The following DOK5 variants were observed in gnomAD, a reference collection of about 807,000 sequenced individuals.
DOK5 encodes the protein docking protein 5, also known as downstream of tyrosine kinase 5.
A neutral mutation model predicts 43.3 loss-of-function variants in DOK5; 27 were observed. The ratio of observed to expected loss-of-function variants is 0.62; its 90% CI spans 0.46 to 0.86. The LOEUF is 0.86. DOK5 is among the 40% of genes least tolerant of loss of function. The pLI, the probability that DOK5 is intolerant of heterozygous loss-of-function variation, is 0.00. For missense variants in DOK5, 373 were observed against 392.9 expected (o/e 0.95, Z 0.43); for synonymous variants, 146 against 140.1 (o/e 1.04, Z -0.30).
intron 1 of DOK5, among the ~76,000 whole-genome samples, chr20:54,548,151 G>A (rs8118345): frequency 0.022 from 3,370 of 152,226 alleles, 120 homozygotes; most frequent in African/African-American, 0.077. Flanking sequence ...ATGATGTATA[G>A]GAGGTGAGCT....
At chr20:54,486,483 C>A (rs1981938569) in intron 1 of DOK5, among the ~76,000 whole-genome samples, 1 of 151,952 alleles carries the variant, frequency 6.6e-6, no homozygotes, top group South Asian at 2.1e-4. Flanking sequence ...ATTCTAGTTC[C>A]TTTACCTTTT....
At chr20:54,555,277 G>A in intron 2 of DOK5, 1 of 448,584 alleles carries the variant, frequency 2.2e-6, no homozygotes, top group Non-Finnish European at 4.1e-6. Context: ...TCCAGTCTCT[G>A]CTATGGGACT....
intron 2 of DOK5, among the ~76,000 whole-genome samples, chr20:54,570,570 C>T (rs1985251666): frequency 6.6e-6 from 1 of 152,082 alleles, no homozygotes; most frequent in Non-Finnish European, 1.5e-5. Flanking sequence ...CTTGTTTTTA[C>T]TTGGTAAACA....
chr20:54,643,642 C>T, intron 7 of DOK5, 64 bp downstream of exon 7: 4 of 1,546,354 alleles, frequency 2.6e-6, no homozygotes, highest in Non-Finnish European at 2.6e-6. Flanking sequence ...GGAGGGGGCT[C>T]AGCTCAACTC....
chr20:54,480,395 C>T (rs754022197), intron 1 of DOK5, among the ~76,000 whole-genome samples: 4 of 152,310 alleles, frequency 2.6e-5, no homozygotes, highest in South Asian at 4.1e-4. Flanking sequence ...CTCACTGCTA[C>T]GTGGCGCTAC....
intron 1 of DOK5, among the ~76,000 whole-genome samples, chr20:54,514,143 A>C (rs1266062826): frequency 6.6e-6 from 1 of 152,188 alleles, no homozygotes; most frequent in Non-Finnish European, 1.5e-5. Context: ...TCACTGCTCC[A>C]GTTAAGGGAC....
intron 1 of DOK5, among the ~76,000 whole-genome samples, chr20:54,530,427 C>T (rs961964563): frequency 3.9e-5 from 6 of 152,148 alleles, no homozygotes; most frequent in Non-Finnish European, 2.9e-5. Flanking sequence ...TCTTGATCTA[C>T]GGAAGATTAA....
chr20:54,567,836 G>C (rs1311658325), intron 2 of DOK5, among the ~76,000 whole-genome samples: 1 of 151,982 alleles, frequency 6.6e-6, no homozygotes, highest in Non-Finnish European at 1.5e-5. Flanking sequence ...TTTGTTAGAG[G>C]CTTTTTAAAA....
chr20:54,509,518 T>C (rs1982941381), intron 1 of DOK5, among the ~76,000 whole-genome samples: 1 of 152,210 alleles, frequency 6.6e-6, no homozygotes, highest in Non-Finnish European at 1.5e-5. Flanking sequence ...TATATTTTCA[T>C]ATATGATGGG....
Position 54,643,595 on chromosome 20 carries a change from CT to C in DOK5, c.856+18del, listed in dbSNP as rs137967686. Reference sequence around the variant, plus strand: ...GCTTGCAAGGTAAGCGTGGGGCTACCTGTGTCCAGGGTGTGGGCCAGGCCTG... The same window carrying C: ...GCTTGCAAGGTAAGCGTGGGGCTACCGTGTCCAGGGTGTGGGCCAGGCCTG... On this transcript the variant is annotated intron_variant, in intron 7 of 7. Transcript: ENST00000262593. 3,136 of 1,609,556 alleles carry C rather than the reference CT, an allele frequency of 1.9e-3. 59 individuals carry two copies. In the African/African-American group the frequency reaches 0.037, roughly 19 times the overall value.
chr20:54,487,157 G>A (rs1239656958), intron 1 of DOK5, among the ~76,000 whole-genome samples: 1 of 152,130 alleles, frequency 6.6e-6, no homozygotes, highest in Non-Finnish European at 1.5e-5. Context: ...GTCCAAATGT[G>A]AGATTTATAT....
At chr20:54,510,959 G>A (rs1014051448) in intron 1 of DOK5, among the ~76,000 whole-genome samples, 2 of 152,148 alleles carry the variant, frequency 1.3e-5, no homozygotes, top group South Asian at 4.1e-4. Context: ...TTGCATCTGA[G>A]GACAGTCAAA....
chr20:54,586,236 T>A (rs1200430173), intron 2 of DOK5, among the ~76,000 whole-genome samples: 1 of 152,220 alleles, frequency 6.6e-6, no homozygotes, highest in African/African-American at 2.4e-5. Context: ...CAAGTCTAGC[T>A]GGGTGCTGCA....
intron 1 of DOK5, among the ~76,000 whole-genome samples, chr20:54,521,258 T>G (rs1390328428): frequency 1.3e-4 from 20 of 152,078 alleles, no homozygotes; most frequent in Admixed American, 1.3e-3. Flanking sequence ...CCAATAATAA[T>G]TAGTGCTCAG....
chr20:54,616,115 T>C (rs985815191), intron 6 of DOK5, among the ~76,000 whole-genome samples: 1 of 152,166 alleles, frequency 6.6e-6, no homozygotes, highest in African/African-American at 2.4e-5. Flanking sequence ...AAAACAAGAA[T>C]GTGTTATATC....
intron 1 of DOK5, among the ~76,000 whole-genome samples, chr20:54,549,153 A>G (rs1391924213): frequency 6.6e-6 from 1 of 152,212 alleles, no homozygotes; most frequent in African/African-American, 2.4e-5. Flanking sequence ...ATAAATATTT[A>G]TGGGATTGAC....
chr20:54,499,218 A>C (rs993143024), intron 1 of DOK5, among the ~76,000 whole-genome samples: 1 of 152,348 alleles, frequency 6.6e-6, no homozygotes, highest in East Asian at 1.9e-4. Flanking sequence ...GGATTCTTAC[A>C]TGCCATGCTA....
intron 6 of DOK5, among the ~76,000 whole-genome samples, chr20:54,622,771 C>T (rs925688571): frequency 6.6e-6 from 1 of 152,042 alleles, no homozygotes; most frequent in African/African-American, 2.4e-5. Flanking sequence ...TCTGCTTGAC[C>T]GTGTGGGCGG....
At position 54,588,337 on chromosome 20, in the gene DOK5, A is replaced by G. The variant is rs372445284; in HGVS notation, c.175-146A>G. The G allele has an allele frequency of 4.6e-6, 3 of 649,804 alleles. No individual in the cohort carries two copies. In the African/African-American group the frequency reaches 5.5e-5, roughly 12 times the overall value. The allele number at this position is 649,804 out of a possible 1,614,324, so 40.3% of individuals were successfully genotyped here. A position where few individuals can be genotyped will look rare whatever the true frequency, so the allele number is the denominator to read the frequency against. ...GATAATACTAAACTCACTTAAATAC[A>G]TCTTAGCTTTCAGATGTAGATACTT... On this transcript the variant is annotated intron_variant, in intron 2 of 7. Coordinates refer to ENST00000262593, the MANE Select transcript of DOK5 (RefSeq NM_018431.5).
Sources: allele counts gnomAD v4.1 joint callset (sites outside exome capture counted in the v4.1 genomes callset), GRCh38; gene constraint gnomAD v4.1.1; transcripts MANE v1.5; gene names NCBI Gene and HGNC (gene_info 2026-07-23, HGNC 2026-07-21).